TRPM6: variants seen among roughly 807,000 people sequenced by gnomAD.
TRPM6 encodes channel kinase 2.
A neutral mutation model predicts 247.6 loss-of-function variants in TRPM6; 111 were observed. The ratio of observed to expected loss-of-function variants is 0.45; its 90% CI spans 0.38 to 0.52. The LOEUF (loss-of-function observed/expected upper bound fraction) is 0.52. TRPM6 is among the 20% of genes least tolerant of loss of function. The pLI is 0.00. For synonymous variants in TRPM6, 892 were observed against 853.8 expected, an observed-to-expected ratio of 1.04 and a Z score of -0.78; for missense variants, 2,126 against 2,421.5, an observed-to-expected ratio of 0.88 and a Z score of 2.56.
At chr9:74,763,638 A>T (rs1826729261) in intron 25 of TRPM6, among the ~76,000 whole-genome samples, 1 of 150,446 alleles carries the variant, frequency 6.6e-6, no homozygotes, top group Admixed American at 6.6e-5. Context: ...CTTTAAAATT[A>T]AAAAAAAAAT....
intron 37 of TRPM6, among the ~76,000 whole-genome samples, chr9:74,732,408 G>T (rs1242176395): frequency 6.6e-6 from 1 of 152,036 alleles, no homozygotes; most frequent in Non-Finnish European, 1.5e-5. Context: ...CTTACACATT[G>T]GGAACTCAGT....
At chr9:74,800,924 C>CA (rs1235094317) in intron 16 of TRPM6, among the ~76,000 whole-genome samples, 11 of 111,426 alleles carry the variant, frequency 9.9e-5, no homozygotes, top group South Asian at 5.6e-4. Context: ...TTTTTTTTGA[C>CA]AAAAAAAACT....
intron 9 of TRPM6, 118 bp downstream of exon 9, chr9:74,820,186 G>T: frequency 8.6e-7 from 1 of 1,163,450 alleles, no homozygotes. Flanking sequence ...ACAGGCCCCT[G>T]TATGTTGTTC....
chr9:74,762,581 G>C lies in TRPM6; in HGVS notation c.4090C>G (p.Leu1364Val). ...ACATCTGGCACAGAGGGTCTGGACA[G>C]AGGCAAGACAGTTTCTGCTGAAAAA... ...VPFSAETVLP[L>V]SRPSVPDVLA... The change falls in exon 26 of 39, where the codon CTG becomes GTG. Residue 1364 changes from leucine to valine, a missense_variant. This residue lies in a region of TRPM6 where 717 missense variants were observed against 715.9 expected (regional missense o/e 1.00). Transcript: ENST00000360774. 6.2e-7 allele frequency: 1 copy of C among 1,614,196 alleles called. No individual in the cohort carries two copies. The highest frequency in any genetic ancestry group is 1.3e-5 in the African/African-American group (1 of 75,044).
chr9:74,767,153 T>C (rs1826855612), intron 25 of TRPM6, among the ~76,000 whole-genome samples: 1 of 152,208 alleles, frequency 6.6e-6, no homozygotes, highest in Admixed American at 6.5e-5. Flanking sequence ...TAAGGTTTCA[T>C]GGTCAAATAG....
At chr9:74,802,403 G>A (rs1300825603) in intron 15 of TRPM6, among the ~76,000 whole-genome samples, 1 of 152,098 alleles carries the variant, frequency 6.6e-6, no homozygotes, top group Non-Finnish European at 1.5e-5. Context: ...ATATCTTAAG[G>A]TCATTTAGCA....
chr9:74,871,248 G>A lies in TRPM6; in HGVS notation c.34-12500C>T, dbSNP rs73536144. Among the ~76,000 whole-genome samples, 1,338 of 152,206 alleles carry A rather than the reference G, an allele frequency of 8.8e-3. 17 individuals carry two copies. The highest frequency in any genetic ancestry group is 0.031 in the African/African-American group (1,282 of 41,532). On this transcript the variant is annotated intron_variant, in intron 1 of 38. Coordinates refer to ENST00000360774, the MANE Select transcript of TRPM6 (RefSeq NM_017662.5). ...AGTACATCAGGTGATACAGGGAAAA[G>A]TTAAATTTCCCTCCCACCCCTGTTC...
intron 13 of TRPM6, among the ~76,000 whole-genome samples, chr9:74,809,764 C>A (rs57904918): frequency 0.27 from 41,056 of 151,750 alleles, 5,936 homozygotes; most frequent in African/African-American, 0.38. Flanking sequence ...GGATCACCTG[C>A]GGTCAGGAGT....
intron 3 of TRPM6, among the ~76,000 whole-genome samples, chr9:74,853,565 C>A (rs978572545): frequency 2.0e-5 from 3 of 152,080 alleles, no homozygotes; most frequent in Non-Finnish European, 4.4e-5. Context: ...TACCCCCAAC[C>A]CTGTGCTCTC....
intron 4 of TRPM6, among the ~76,000 whole-genome samples, chr9:74,841,863 A>T (rs553519328): frequency 5.9e-5 from 9 of 152,324 alleles, no homozygotes; most frequent in South Asian, 4.1e-4. Flanking sequence ...ATTTCTGAAC[A>T]TCAGGAACGG....
At chr9:74,785,724 CCT>C in intron 21 of TRPM6, 148 bp downstream of exon 21, 5 of 860,386 alleles carry the variant, frequency 5.8e-6, no homozygotes, top group Non-Finnish European at 3.7e-6. Flanking sequence ...GGGGTTTCAC[CCT>C]GTTAGCCAGG....
At position 74,887,840 on chromosome 9, in the gene TRPM6, A is replaced by G; in HGVS notation, c.17T>C (p.Val6Ala). MKEQPVLERLQSQKSW... is the reference protein window; with the variant it reads MKEQPALERLQSQKSW... Reference sequence around the variant, plus strand: ...TGAGCTTACCTGCAAGCGCTCCAAGACAGGTTGTTCTTTCATCTTTGATTT... The same window carrying G: ...TGAGCTTACCTGCAAGCGCTCCAAGGCAGGTTGTTCTTTCATCTTTGATTT... Residue 6 changes from valine (V) to alanine (A), a missense_variant, in exon 1 of 39, where the codon GTC becomes GCC. By Grantham distance (64) the Val-to-Ala change is moderately conservative (BLOSUM62 0). Around this residue, in one of 3 missense-constraint regions of TRPM6, gnomAD observed 1,082 missense variants for 1,307.9 expected, o/e 0.83. Coordinates refer to ENST00000360774, the MANE Select transcript of TRPM6 (RefSeq NM_017662.5). 1 of 1,614,058 alleles carries G rather than the reference A, an allele frequency of 6.2e-7. No homozygotes were observed.
At chr9:74,789,634 C>T (rs934726498) in intron 19 of TRPM6, among the ~76,000 whole-genome samples, 2 of 152,242 alleles carry the variant, frequency 1.3e-5, no homozygotes, top group South Asian at 2.1e-4. Context: ...AGAGACAACA[C>T]CCAGTGCTCA....
intron 26 of TRPM6, 51 bp from the exon 27 acceptor site, chr9:74,761,859 A>G: frequency 1.3e-6 from 2 of 1,521,438 alleles, no homozygotes; most frequent in Non-Finnish European, 1.8e-6. Context: ...AGTGGGGAAC[A>G]TTTTGTTTTA....
At chr9:74,743,601 G>A (rs1825933115) in intron 32 of TRPM6, among the ~76,000 whole-genome samples, 1 of 152,212 alleles carries the variant, frequency 6.6e-6, no homozygotes, top group South Asian at 2.1e-4. Context: ...GCACTGTGAA[G>A]TGATGTTGCT....
At chr9:74,752,798 G>C (rs537143660) in intron 28 of TRPM6, among the ~76,000 whole-genome samples, 7 of 152,062 alleles carry the variant, frequency 4.6e-5, no homozygotes, top group South Asian at 2.1e-4. Context: ...ATCATAGTAG[G>C]CTACTTAAAA....
intron 23 of TRPM6, 140 bp downstream of exon 23, chr9:74,782,222 T>C (rs1373743915): frequency 1.6e-6 from 1 of 638,440 alleles, no homozygotes; most frequent in Non-Finnish European, 2.8e-6. Context: ...AGTAGTTTTA[T>C]GTGCATATTT....
chr9:74,734,864 T>A (rs1825641140), intron 36 of TRPM6, among the ~76,000 whole-genome samples: 1 of 152,170 alleles, frequency 6.6e-6, no homozygotes, highest in Non-Finnish European at 1.5e-5. Flanking sequence ...AAAGATTAAC[T>A]AATAAATACA....
intron 2 of TRPM6, among the ~76,000 whole-genome samples, chr9:74,858,216 G>C (rs1830585936): frequency 6.6e-6 from 1 of 152,192 alleles, no homozygotes; most frequent in South Asian, 2.1e-4. Context: ...GTGAAACCCT[G>C]TCTCTACTAA....
Sources: gnomAD v4.1 joint callset for allele counts (sites outside exome capture counted in the v4.1 genomes callset) on GRCh38, gnomAD v4.1.1 for gene constraint, gnomAD v4.1.1 regional missense constraint, MANE v1.5 for transcripts, NCBI Gene and HGNC (gene_info 2026-07-23, HGNC 2026-07-21) for gene names.